The following RPS6KA2 variants were observed in gnomAD, a reference collection of about 807,000 sequenced individuals.
RPS6KA2 encodes the protein ribosomal protein S6 kinase A2.
Under a neutral mutation model 91.8 loss-of-function variants are expected in RPS6KA2, and 42 were observed. That is an observed-to-expected ratio of 0.46 (90% confidence interval 0.36 to 0.59). The LOEUF (loss-of-function observed/expected upper bound fraction) is 0.59. Among genes scored for constraint, RPS6KA2 ranks in the 20% least tolerant of loss-of-function variants. RPS6KA2 has a pLI of 0.00. For missense variants in RPS6KA2, 798 were observed against 978.5 expected (o/e 0.82, Z 2.46); for synonymous variants, 414 against 393.6 (o/e 1.05, Z -0.61).
intron 1 of RPS6KA2, among the ~76,000 whole-genome samples, chr6:166,607,307 C>CAT (rs1785989293): frequency 1.3e-5 from 2 of 152,172 alleles, no homozygotes; most frequent in African/African-American, 4.8e-5. Context: ...GAAATAAAAA[C>CAT]ATATGTCCAC....
intron 2 of RPS6KA2, among the ~76,000 whole-genome samples, chr6:166,696,370 T>G (rs1275101330): frequency 6.6e-6 from 1 of 152,166 alleles, no homozygotes; most frequent in Non-Finnish European, 1.5e-5. Flanking sequence ...TTCAGATGAT[T>G]TCTCCAAGTT....
chr6:166,578,874 G>A (rs1784921784), intron 1 of RPS6KA2, among the ~76,000 whole-genome samples: 1 of 152,230 alleles, frequency 6.6e-6, no homozygotes, highest in African/African-American at 2.4e-5. Flanking sequence ...GCAGAGATAT[G>A]TGAGGGACAG....
chr6:166,613,306 G>A (rs562234018), intron 1 of RPS6KA2, among the ~76,000 whole-genome samples: 1 of 152,368 alleles, frequency 6.6e-6, no homozygotes, highest in Admixed American at 6.5e-5. Flanking sequence ...GAGCAGTGCT[G>A]CTGAAAGTCT....
At chr6:166,744,955 CG>C (rs1181309144) in intron 2 of RPS6KA2, among the ~76,000 whole-genome samples, 1 of 152,028 alleles carries the variant, frequency 6.6e-6, no homozygotes, top group Admixed American at 6.6e-5. Context: ...GCTCAGGCTG[CG>C]TAACAAATAA....
intron 1 of RPS6KA2, among the ~76,000 whole-genome samples, chr6:166,541,316 C>T (rs1363793386): frequency 3.9e-5 from 6 of 152,250 alleles, no homozygotes; most frequent in Non-Finnish European, 7.3e-5. Flanking sequence ...CAGCCACCAC[C>T]CTTTCCTGGG....
In RPS6KA2 at chr6:166,637,839, G is replaced by A. The variant is rs566364306; in HGVS notation, c.124-99055C>T. ...CAGCATAAGACCCCGTGTCTCAGCC[G>A]TGGGGGCCGCAGGGGACAGAGCCCA... On this transcript the variant is annotated intron_variant, in intron 2 of 21. Transcript: ENST00000503859. Among the ~76,000 whole-genome samples the A allele has an allele frequency of 2.0e-4, 31 of 152,382 alleles. No homozygotes were observed. In the East Asian group the frequency reaches 2.7e-3, roughly 13 times the overall value.
Position 166,508,226 on chromosome 6 carries a change from G to A in RPS6KA2, c.436C>T (p.Leu146Phe). ...ACCTCTTTGGAGAGCCGGGTGAAGA[G>A]GTCCCCTCCCCGCAGGAAGTCCAGG... ...LILDFLRGGDLFTRLSKEVMF... is the reference protein window; with the variant it reads ...LILDFLRGGDFFTRLSKEVMF... Residue 146 changes from leucine to phenylalanine, a missense_variant, in exon 5 of 21, where the codon CTC (leucine) becomes TTC (phenylalanine). By Grantham distance (22) the Leu-to-Phe change is conservative. Transcript: ENST00000265678. This position sits in a 1 kb window ranked among gnomAD's most constrained non-coding sequence, Gnocchi z 4.3. 4.3e-6 allele frequency: 7 copies of A among 1,613,288 alleles called. No homozygotes were observed. Among genetic ancestry groups the A allele is most frequent in the Non-Finnish European group, 5.9e-6 (7 of 1,179,266 alleles).
rs1359427711 is a variant in RPS6KA2 at position 166,648,004 on chromosome 6, ACG to A, written c.124-109222_124-109221del. On this transcript the variant is annotated intron_variant, in intron 2 of 21. Coordinates refer to the RPS6KA2 transcript ENST00000503859. The surrounding 1 kb of genome is among the most constrained non-coding windows in gnomAD (Gnocchi z 4.8). ...CTCACACACACGCACATGCTCACAC[ACG>A]CACATGCTTACACACATACATACAC... Among the ~76,000 whole-genome samples the A allele has an allele frequency of 5.4e-5, 8 of 148,626 alleles. No individual in the cohort carries two copies. The highest frequency in any genetic ancestry group is 1.0e-4 in the Non-Finnish European group (7 of 67,686).
intron 10 of RPS6KA2, among the ~76,000 whole-genome samples, chr6:166,471,385 G>A (rs905073574): frequency 3.3e-5 from 5 of 152,202 alleles, no homozygotes; most frequent in African/African-American, 7.2e-5. Flanking sequence ...GGCTGTGGTG[G>A]CCTCAGAAAG....
At chr6:166,450,663 A>G (rs1324644687) in intron 13 of RPS6KA2, among the ~76,000 whole-genome samples, 1 of 141,082 alleles carries the variant, frequency 7.1e-6, no homozygotes, top group East Asian at 2.2e-4. Flanking sequence ...GGAGACCACC[A>G]TGGGGACCAC....
Position 166,639,430 on chromosome 6 carries a change from G to A in RPS6KA2, c.124-100646C>T, listed in dbSNP as rs922678076. Among the ~76,000 whole-genome samples the A allele has an allele frequency of 6.6e-6, 1 of 151,858 alleles. No individual in the cohort carries two copies. Among genetic ancestry groups the A allele is most frequent in the African/African-American group, 2.4e-5 (1 of 41,312 alleles). ...TCTTGCCAGAAAATAGTAATTACTGGCTAAAGGCTTTCCCTACAACCCACC... is the reference window on the plus strand; with the variant it reads ...TCTTGCCAGAAAATAGTAATTACTGACTAAAGGCTTTCCCTACAACCCACC... On this transcript the variant is annotated intron_variant, in intron 2 of 21. Coordinates refer to the RPS6KA2 transcript ENST00000503859. This position sits in a 1 kb window ranked among gnomAD's most constrained non-coding sequence, Gnocchi z 4.2.
At chr6:166,616,360 C>T (rs1786410970) in intron 1 of RPS6KA2, among the ~76,000 whole-genome samples, 1 of 152,102 alleles carries the variant, frequency 6.6e-6, no homozygotes, top group South Asian at 2.1e-4. Flanking sequence ...CAGGCAACAG[C>T]TCCCCTCACC....
At position 166,495,541 on chromosome 6, in the gene RPS6KA2, T is replaced by C. The variant is rs887373995; in HGVS notation, c.747+2967A>G. ...GACAGGGAGGGTGGGGACTCCAGGATGGGTGAAGGCTGCCGGGCACTGGGT... is the reference window on the plus strand; with the variant it reads ...GACAGGGAGGGTGGGGACTCCAGGACGGGTGAAGGCTGCCGGGCACTGGGT... On this transcript the variant is annotated intron_variant, in intron 8 of 20. Coordinates refer to ENST00000265678, the MANE Select transcript of RPS6KA2 (RefSeq NM_021135.6). The surrounding 1 kb of genome is among the most constrained non-coding windows in gnomAD (Gnocchi z 4.4). Among the ~76,000 whole-genome samples the C allele has an allele frequency of 6.6e-6, 1 of 152,090 alleles. No individual in the cohort carries two copies. Among genetic ancestry groups the C allele is most frequent in the Non-Finnish European group, 1.5e-5 (1 of 68,022 alleles).
chr6:166,692,227 C>T (rs573216326), intron 2 of RPS6KA2, among the ~76,000 whole-genome samples: 1 of 151,544 alleles, frequency 6.6e-6, no homozygotes, highest in South Asian at 2.1e-4. Context: ...TAAAGTGAGG[C>T]GATAGAGAGA....
At chr6:166,744,977 T>C (rs1378184919) in intron 2 of RPS6KA2, among the ~76,000 whole-genome samples, 2 of 152,004 alleles carry the variant, frequency 1.3e-5, no homozygotes, top group East Asian at 1.9e-4. Context: ...CAGAGGCTCG[T>C]GGTTGGAACA....
At chr6:166,830,828 T>C (rs1780166138) in intron 2 of RPS6KA2, among the ~76,000 whole-genome samples, 1 of 152,178 alleles carries the variant, frequency 6.6e-6, no homozygotes, top group South Asian at 2.1e-4. Context: ...CAGCCTTCCG[T>C]CCTGGCACTG....
intron 2 of RPS6KA2, among the ~76,000 whole-genome samples, chr6:166,746,834 T>C (rs1334536083): frequency 6.6e-6 from 1 of 152,252 alleles, no homozygotes; most frequent in Non-Finnish European, 1.5e-5. Context: ...GTTCCCTCCT[T>C]GTCTTCAACT....
At chr6:166,610,393 C>T (rs966565684) in intron 1 of RPS6KA2, among the ~76,000 whole-genome samples, 2 of 152,200 alleles carry the variant, frequency 1.3e-5, no homozygotes, top group African/African-American at 4.8e-5. Flanking sequence ...TCTGAGAGAA[C>T]TAGTTACCCA....
In RPS6KA2 at chr6:166,767,281, G is replaced by A. The variant is rs539623134; in HGVS notation, c.123+90919C>T. On this transcript the variant is annotated intron_variant, in intron 2 of 21. Transcript: ENST00000503859. This position sits in a 1 kb window ranked among gnomAD's most constrained non-coding sequence, Gnocchi z 4.6. ...TACAACTGCGACTACCGTCTCACAC[G>A]CTTCAGCTTGCAAGGCAGAGGCACG... Among the ~76,000 whole-genome samples the A allele has an allele frequency of 3.0e-4, 46 of 152,256 alleles. 1 individual carries two copies. The South Asian group carries it at 9.3e-3, about 31-fold the overall frequency.
Sources: gnomAD v4.1 joint callset for allele counts (sites outside exome capture counted in the v4.1 genomes callset) on GRCh38, gnomAD v4.1.1 for gene constraint, Gnocchi (gnomAD v3.1) non-coding constraint, MANE v1.5 for transcripts, NCBI Gene and HGNC (gene_info 2026-07-23, HGNC 2026-07-21) for gene names.